SLC5A11: variants seen among roughly 807,000 people sequenced by gnomAD.
The protein encoded by SLC5A11 is sodium/myo-inositol cotransporter 2.
Under a neutral mutation model 69.8 loss-of-function variants are expected in SLC5A11, and 48 were observed. The observed-to-expected ratio is 0.69, with a 90% CI of 0.55 to 0.87. The LOEUF (loss-of-function observed/expected upper bound fraction) is 0.87. Ranked by LOEUF, SLC5A11 falls within the 40% of genes least tolerant of loss-of-function variation. The probability of loss-of-function intolerance (pLI) is 0.00; values close to 1 mark genes in which losing one functional copy is unlikely to be tolerated. For missense variants in SLC5A11, 784 were observed against 866.1 expected, an observed-to-expected ratio of 0.91 and a Z score of 1.19; for synonymous variants, 319 against 342.4, an observed-to-expected ratio of 0.93 and a Z score of 0.75.
At chr16:24,889,768 G>A (rs1021439932) in intron 8 of SLC5A11, among the ~76,000 whole-genome samples, 4 of 151,598 alleles carry the variant, frequency 2.6e-5, no homozygotes, top group Admixed American at 6.6e-5. Context: ...GGTTGGTCTC[G>A]AACTCCTGAC....
chr16:24,902,306 G>A (rs2049688722), intron 10 of SLC5A11, among the ~76,000 whole-genome samples: 1 of 151,938 alleles, frequency 6.6e-6, no homozygotes, highest in Non-Finnish European at 1.5e-5. Context: ...ATTAATAATG[G>A]ATTGAATGTA....
At chr16:24,864,225 T>A (rs901239048) in intron 3 of SLC5A11, among the ~76,000 whole-genome samples, 1 of 152,136 alleles carries the variant, frequency 6.6e-6, no homozygotes, top group African/African-American at 2.4e-5. Context: ...AGCCCTAAGC[T>A]CTTGCCTCTG....
At chr16:24,903,535 T>C (rs919600532) in intron 10 of SLC5A11, among the ~76,000 whole-genome samples, 8 of 152,172 alleles carry the variant, frequency 5.3e-5, no homozygotes, top group African/African-American at 1.9e-4. Context: ...TAGAAACCAC[T>C]ATCCTACTGT....
chr16:24,856,773 A>T (rs1043933552), intron 1 of SLC5A11, among the ~76,000 whole-genome samples: 4 of 150,932 alleles, frequency 2.7e-5, no homozygotes, highest in Admixed American at 6.6e-5. Context: ...TCCATCTCAA[A>T]AAATAAATAA....
chr16:24,900,124 G>A (rs1328347623), intron 10 of SLC5A11, among the ~76,000 whole-genome samples: 3 of 152,158 alleles, frequency 2.0e-5, no homozygotes, highest in African/African-American at 7.2e-5. Flanking sequence ...TACCGAGGAG[G>A]GGCAATGTCA....
chr16:24,904,673 C>T (rs144649017), intron 10 of SLC5A11, among the ~76,000 whole-genome samples: 3 of 152,290 alleles, frequency 2.0e-5, no homozygotes, highest in East Asian at 1.9e-4. Flanking sequence ...AAATCTTCAA[C>T]GGAGTCCACA....
At chr16:24,867,289 A>G (rs1330677341) in intron 3 of SLC5A11, among the ~76,000 whole-genome samples, 1 of 152,190 alleles carries the variant, frequency 6.6e-6, no homozygotes, top group Non-Finnish European at 1.5e-5. Flanking sequence ...CAAAGAAGAA[A>G]TCACAAGACA....
In SLC5A11 at chr16:24,850,755, CA is replaced by C. The variant is rs2059266298; in HGVS notation, c.-25+4321del. 2.0e-5 allele frequency among the ~76,000 whole-genome samples: 3 copies of C among 152,010 alleles called. No individual in the cohort carries two copies. The South Asian group carries it at 6.2e-4, about 32-fold the overall frequency. Reference sequence around the variant, plus strand: ...AGTCCTTGTAGGGAGGCTGTGACTTCAAAACATGATTCATGCACATATGTGG... The same window carrying C: ...AGTCCTTGTAGGGAGGCTGTGACTTCAAACATGATTCATGCACATATGTGG... On this transcript the variant is annotated intron_variant, in intron 1 of 15. Coordinates refer to ENST00000347898, the Ensembl canonical transcript of SLC5A11.
chr16:24,898,808 A>G (rs1241978921), intron 10 of SLC5A11, among the ~76,000 whole-genome samples: 12 of 152,034 alleles, frequency 7.9e-5, no homozygotes, highest in Non-Finnish European at 1.5e-5. Context: ...GTAAGCCACC[A>G]TGCCTGGCCT....
chr16:24,884,513 G>GTTTTTTTTTTTT (rs10572531), intron 8 of SLC5A11, among the ~76,000 whole-genome samples: 3 of 110,270 alleles, frequency 2.7e-5, no homozygotes, highest in African/African-American at 6.5e-5. Context: ...TTTTTATTTT[G>GTTTTTTTTTTTT]TTTTTTTTTT....
intron 1 of SLC5A11, among the ~76,000 whole-genome samples, chr16:24,850,402 CTTTT>C (rs1437701655): frequency 6.6e-6 from 1 of 152,248 alleles, no homozygotes; most frequent in African/African-American, 2.4e-5. Context: ...AGGACTGACT[CTTTT>C]CCTCTTGTAG....
chr16:24,884,513 G>GTTTTTTTT (rs10572531), intron 8 of SLC5A11, among the ~76,000 whole-genome samples: 3 of 110,272 alleles, frequency 2.7e-5, no homozygotes, highest in Admixed American at 1.0e-4. Flanking sequence ...TTTTTATTTT[G>GTTTTTTTT]TTTTTTTTTT....
chr16:24,875,716 C>T (rs527481127), exon 6 of SLC5A11: 26 of 1,613,726 alleles, frequency 1.6e-5, no homozygotes, highest in Non-Finnish European at 2.1e-5. Flanking sequence ...TTATCTACAT[C>T]TTCACCAAGA....
chr16:24,856,597 C>CA (rs35867622), intron 1 of SLC5A11, among the ~76,000 whole-genome samples: 1,724 of 88,788 alleles, frequency 0.019, 24 homozygotes, highest in East Asian at 0.03. Flanking sequence ...ACTAAAAATA[C>CA]AAAAAAAAAA....
At position 24,884,043 on chromosome 16, in the gene SLC5A11, C is replaced by G. The variant is rs1386074665; in HGVS notation, c.584-8C>G. ...CCCTGACCCTCACCTCCGTGCTCAT[C>G]CCACCAGGTGGCCTGGCTGCTGTGA... On this transcript the variant is annotated splice_region_variant and splice_polypyrimidine_tract_variant and intron_variant, in intron 7 of 15. Transcript: ENST00000347898. The G allele has an allele frequency of 1.9e-6, 3 of 1,599,380 alleles. No individual in the cohort carries two copies. Among genetic ancestry groups the G allele is most frequent in the Non-Finnish European group, 2.6e-6 (3 of 1,173,114 alleles).
At chr16:24,848,197 T>G (rs1394389151) in intron 1 of SLC5A11, among the ~76,000 whole-genome samples, 1 of 152,094 alleles carries the variant, frequency 6.6e-6, no homozygotes, top group South Asian at 2.1e-4. Context: ...TGCTAGTATG[T>G]GGTGGGGTTG....
At chr16:24,896,776 T>A (rs1449991394) in intron 9 of SLC5A11, among the ~76,000 whole-genome samples, 1 of 151,978 alleles carries the variant, frequency 6.6e-6, no homozygotes, top group Non-Finnish European at 1.5e-5. Flanking sequence ...TGATACTACA[T>A]CATCACACAT....
At chr16:24,858,367 T>C (rs1475699587) in intron 1 of SLC5A11, among the ~76,000 whole-genome samples, 1 of 152,174 alleles carries the variant, frequency 6.6e-6, no homozygotes. Context: ...CTTCTTTCTA[T>C]TTTGCCAAGT....
intron 1 of SLC5A11, among the ~76,000 whole-genome samples, chr16:24,855,329 C>T (rs899575828): frequency 3.3e-5 from 5 of 150,632 alleles, no homozygotes; most frequent in Non-Finnish European, 4.4e-5. Context: ...AGGCCAGGTG[C>T]GGTGGCTCAT....
Sources: gnomAD v4.1 joint callset for allele counts (sites outside exome capture counted in the v4.1 genomes callset) on GRCh38, gnomAD v4.1.1 for gene constraint, MANE v1.5 for transcripts, NCBI Gene and HGNC (gene_info 2026-07-23, HGNC 2026-07-21) for gene names.